RBFOX1: variants seen among roughly 807,000 people sequenced by gnomAD.
The protein encoded by RBFOX1 is RNA binding protein fox-1 homolog 1.
Under a neutral mutation model 57.7 loss-of-function variants are expected in RBFOX1, and 8 were observed. The observed-to-expected ratio is 0.14, with a 90% CI of 0.08 to 0.25. RBFOX1 has a LOEUF of 0.25. RBFOX1 is among the 10% of genes least tolerant of loss of function. The pLI is 1.00. For synonymous variants in RBFOX1, 326 were observed against 222.4 expected (o/e 1.47, Z -4.15); for missense variants, 611 against 548.5 (o/e 1.11, Z -1.14).
At chr16:7,575,744 C>T (rs1209848105) in intron 5 of RBFOX1, among the ~76,000 whole-genome samples, 1 of 152,120 alleles carries the variant, frequency 6.6e-6, no homozygotes, top group Admixed American at 6.6e-5. Context: ...ACATAAAACG[C>T]TGGCTGGTTC....
chr16:6,725,644 T>G (rs1345459590), intron 3 of RBFOX1, among the ~76,000 whole-genome samples: 1 of 152,180 alleles, frequency 6.6e-6, no homozygotes, highest in Non-Finnish European at 1.5e-5. Context: ...CATTCTTTAT[T>G]CCTTTTAATT....
chr16:6,691,734 G>A (rs932240167), intron 3 of RBFOX1, among the ~76,000 whole-genome samples: 2 of 152,178 alleles, frequency 1.3e-5, no homozygotes, highest in African/African-American at 4.8e-5. Context: ...ACCGCACATG[G>A]CCAAGGAATT....
intron 2 of RBFOX1, among the ~76,000 whole-genome samples, chr16:6,590,012 C>T (rs1465648575): frequency 2.6e-5 from 4 of 152,032 alleles, no homozygotes; most frequent in Admixed American, 2.6e-4. Context: ...CAAGAAGTAG[C>T]TCTTAGTCTT....
At chr16:6,264,313 T>C (rs2097720000) in intron 1 of RBFOX1, among the ~76,000 whole-genome samples, 2 of 152,212 alleles carry the variant, frequency 1.3e-5, no homozygotes, top group Admixed American at 1.3e-4. Flanking sequence ...CTGCATGAAC[T>C]TGGCTTGACT....
intron 4 of RBFOX1, among the ~76,000 whole-genome samples, chr16:5,921,123 A>G (rs570502417): frequency 4.6e-5 from 7 of 152,210 alleles, no homozygotes; most frequent in Non-Finnish European, 7.3e-5. Flanking sequence ...CTGTTAGGAT[A>G]TAGGTATCAT....
intron 4 of RBFOX1, among the ~76,000 whole-genome samples, chr16:7,075,897 A>G (rs1318872811): frequency 6.6e-6 from 1 of 151,892 alleles, no homozygotes; most frequent in East Asian, 1.9e-4. Flanking sequence ...GCATTTCAAC[A>G]TGTAAACAAT....
chr16:7,524,045 C>A (rs1179379325), intron 5 of RBFOX1, among the ~76,000 whole-genome samples: 1 of 152,190 alleles, frequency 6.6e-6, no homozygotes, highest in Non-Finnish European at 1.5e-5. Flanking sequence ...CTAGGTCATT[C>A]CCCATAGGAT....
chr16:5,241,700 G>C (rs920090381), intron 1 of RBFOX1, among the ~76,000 whole-genome samples: 5 of 152,238 alleles, frequency 3.3e-5, no homozygotes, highest in East Asian at 1.9e-4. Flanking sequence ...GAAGCACTTA[G>C]CGTTGTGCCT....
intron 2 of RBFOX1, among the ~76,000 whole-genome samples, chr16:6,536,972 T>G (rs2096743882): frequency 6.6e-6 from 1 of 152,210 alleles, no homozygotes; most frequent in Non-Finnish European, 1.5e-5. Flanking sequence ...TCTAAGGGGA[T>G]TCCTTCCTAT....
At chr16:6,961,168 AG>A (rs2082926598) in intron 3 of RBFOX1, among the ~76,000 whole-genome samples, 19 of 39,822 alleles carry the variant, frequency 4.8e-4, no homozygotes, top group Admixed American at 3.6e-3. Flanking sequence ...CACACGCAAA[AG>A]AAAGAAAGAA....
At chr16:6,882,825 C>A (rs2063228695) in intron 3 of RBFOX1, among the ~76,000 whole-genome samples, 1 of 151,980 alleles carries the variant, frequency 6.6e-6, no homozygotes. Context: ...GTTTCTTTGC[C>A]CCTTTTCAGA....
chr16:5,957,711 G>C (rs981553037), intron 4 of RBFOX1, among the ~76,000 whole-genome samples: 1 of 152,012 alleles, frequency 6.6e-6, no homozygotes. Context: ...GTGTATATTT[G>C]GGGGGCACAT....
At chr16:5,590,091 G>C (rs1365334895) in intron 2 of RBFOX1, among the ~76,000 whole-genome samples, 1 of 152,126 alleles carries the variant, frequency 6.6e-6, no homozygotes, top group Non-Finnish European at 1.5e-5. Flanking sequence ...AGGGCAGCAG[G>C]TGTTATTTGG....
intron 3 of RBFOX1, among the ~76,000 whole-genome samples, chr16:5,657,629 TTTC>T: frequency 1.6e-5 from 1 of 60,920 alleles, no homozygotes; most frequent in Admixed American, 1.9e-4. Flanking sequence ...TCTCTCTTTC[TTTC>T]TTTCTTTCTT....
chr16:5,946,353 C>G lies in RBFOX1; in HGVS notation c.351+79018C>G, dbSNP rs1039081064. Among the ~76,000 whole-genome samples the G allele has an allele frequency of 6.6e-6, 1 of 152,188 alleles. No homozygotes were observed. Among genetic ancestry groups the G allele is most frequent in the African/African-American group, 2.4e-5 (1 of 41,436 alleles). On this transcript the variant is annotated intron_variant, in intron 4 of 19. Coordinates refer to the RBFOX1 transcript ENST00000641259. The surrounding 1 kb of genome is among the most constrained non-coding windows in gnomAD (Gnocchi z 4.6). ...TGAGTGTGTCTTCAATGATTTACTTCTCCATTCCTTTTCTTTTCGTTTGCT... is the reference window on the plus strand; with the variant it reads ...TGAGTGTGTCTTCAATGATTTACTTGTCCATTCCTTTTCTTTTCGTTTGCT...
intron 3 of RBFOX1, among the ~76,000 whole-genome samples, chr16:6,777,798 T>C (rs2079628567): frequency 6.6e-6 from 1 of 152,126 alleles, no homozygotes; most frequent in South Asian, 2.1e-4. Context: ...GGTTTGTGTT[T>C]TGCACCTTGT....
At chr16:5,486,893 A>G (rs1284974677) in intron 2 of RBFOX1, among the ~76,000 whole-genome samples, 1 of 152,134 alleles carries the variant, frequency 6.6e-6, no homozygotes, top group Non-Finnish European at 1.5e-5. Context: ...CAGCAACCTC[A>G]GAAGCCCTTT....
chr16:7,269,411 T>G (rs1295272878), intron 4 of RBFOX1, among the ~76,000 whole-genome samples: 2 of 152,122 alleles, frequency 1.3e-5, no homozygotes, highest in Admixed American at 1.3e-4. Context: ...TTAAAAACAT[T>G]TTGATATTTC....
At chr16:5,704,014 C>A (rs1318649438) in intron 3 of RBFOX1, among the ~76,000 whole-genome samples, 1 of 152,150 alleles carries the variant, frequency 6.6e-6, no homozygotes, top group Non-Finnish European at 1.5e-5. Flanking sequence ...GTTCTACCTT[C>A]AGAGATTAGA....
Sources: allele counts gnomAD v4.1 joint callset (sites outside exome capture counted in the v4.1 genomes callset), GRCh38; gene constraint gnomAD v4.1.1; non-coding constraint Gnocchi (gnomAD v3.1); transcripts MANE v1.5; gene names NCBI Gene and HGNC (gene_info 2026-07-23, HGNC 2026-07-21).